ZZEF1: variants seen among roughly 807,000 people sequenced by gnomAD.
The protein encoded by ZZEF1 is zinc finger ZZ-type and EF-hand domain-containing protein 1.
Under a neutral mutation model 342.8 loss-of-function variants are expected in ZZEF1, and 157 were observed. The ratio of observed to expected loss-of-function variants is 0.46; its 90% CI spans 0.40 to 0.52. The LOEUF (loss-of-function observed/expected upper bound fraction) is 0.52. Among genes scored for constraint, ZZEF1 ranks in the 20% least tolerant of loss-of-function variants. The probability of loss-of-function intolerance (pLI) is 0.00; values close to 1 mark genes in which losing one functional copy is unlikely to be tolerated. For synonymous variants in ZZEF1, 1,505 were observed against 1,429.1 expected, an observed-to-expected ratio of 1.05 and a Z score of -1.20; for missense variants, 3,480 against 3,725.6, an observed-to-expected ratio of 0.93 and a Z score of 1.72.
intron 39 of ZZEF1, among the ~76,000 whole-genome samples, chr17:4,039,729 C>T (rs371602275): frequency 0.011 from 1,708 of 149,986 alleles, 32 homozygotes; most frequent in African/African-American, 0.039. Context: ...CTGCAACCTC[C>T]GCCTCCCGGG....
At chr17:4,075,469 C>T (rs1369746962) in intron 21 of ZZEF1, 40 bp from the exon 22 acceptor site, 2 of 1,601,718 alleles carry the variant, frequency 1.2e-6, no homozygotes, top group East Asian at 4.5e-5. Context: ...AAGGTTCTAT[C>T]ACTAGACACC....
intron 3 of ZZEF1, among the ~76,000 whole-genome samples, 181 bp from the exon 4 acceptor site, chr17:4,114,651 CAT>C (rs1247394388): frequency 2.0e-5 from 3 of 152,164 alleles, no homozygotes; most frequent in African/African-American, 4.8e-5. Flanking sequence ...TTTTCACGCA[CAT>C]GTGTCAAATA....
At position 4,056,075 on chromosome 17, in the gene ZZEF1, C is replaced by A. The variant is rs750152092; in HGVS notation, c.5295+141G>T. On this transcript the variant is annotated intron_variant, in intron 33 of 54. Coordinates refer to ENST00000381638, the MANE Select transcript of ZZEF1 (RefSeq NM_015113.4). ...ACAGCCTGCATTCGGTCGCATTCAG[C>A]GGTTGGGGACCCCTTCACTAGGGTA... is the stretch of plus-strand genomic sequence containing the variant. 41 of 836,476 alleles carry A rather than the reference C, an allele frequency of 4.9e-5. No homozygotes were observed. In the East Asian group the frequency reaches 1.3e-3, roughly 26 times the overall value. 51.8% of individuals were successfully genotyped at this position (836,476 alleles called of 1,614,324 possible). A position where few individuals can be genotyped will look rare whatever the true frequency, so the allele number is the denominator to read the frequency against.
At position 4,052,069 on chromosome 17, in the gene ZZEF1, G is replaced by A. The variant is rs927654377; in HGVS notation, c.5502C>T (p.His1834=). The A allele has an allele frequency of 6.2e-7, 1 of 1,614,150 alleles. No individual in the cohort carries two copies. Residue 1834 remains histidine (H), a synonymous_variant, in exon 35 of 55, where the codon CAC becomes CAT. Coordinates refer to ENST00000381638, the MANE Select transcript of ZZEF1 (RefSeq NM_015113.4). ...EMVNMEFTCD[H]CQGLIIGRRM... The stretch of plus-strand genomic sequence containing the variant: ...TCCGGCCTATGATCAAACCCTGGCA[G>A]TGGTCACAGGTAAACTCCATGTTGA...
chr17:4,018,430 T>C (rs557162847), intron 46 of ZZEF1, among the ~76,000 whole-genome samples: 6 of 151,988 alleles, frequency 3.9e-5, no homozygotes, highest in Admixed American at 3.3e-4. Context: ...TTCTCTCCTT[T>C]TTTTTTTAAA....
At position 4,006,808 on chromosome 17, in the gene ZZEF1, G is replaced by C; in HGVS notation, c.*82C>G. 3 of 1,446,898 alleles carry C rather than the reference G, an allele frequency of 2.1e-6. No individual in the cohort carries two copies. The highest frequency in any genetic ancestry group is 2.9e-6 in the Non-Finnish European group (3 of 1,052,280). 89.6% of individuals were successfully genotyped at this position (1,446,898 alleles called of 1,614,324 possible). Reference sequence around the variant, plus strand: ...AGGAGAGCTGGGCACTGGCGCTACAGGAGTTTTCCTGAATGAGGTTAGATG... The same window carrying C: ...AGGAGAGCTGGGCACTGGCGCTACACGAGTTTTCCTGAATGAGGTTAGATG... On this transcript the variant is annotated 3_prime_UTR_variant, in exon 55 of 55. Coordinates refer to ENST00000381638, the MANE Select transcript of ZZEF1 (RefSeq NM_015113.4).
At chr17:4,123,268 C>CACATATAT (rs2058514928) in intron 2 of ZZEF1, among the ~76,000 whole-genome samples, 1 of 85,340 alleles carries the variant, frequency 1.2e-5, no homozygotes, top group Non-Finnish European at 2.4e-5. Flanking sequence ...TTATCATAAC[C>CACATATAT]ATATATATAT....
At chr17:4,053,034 C>T (rs946711860) in intron 34 of ZZEF1, among the ~76,000 whole-genome samples, 5 of 152,212 alleles carry the variant, frequency 3.3e-5, no homozygotes, top group African/African-American at 1.2e-4. Context: ...CGCGCCTGGC[C>T]CACTTCTGTT....
At chr17:4,109,356 T>C (rs113609049) in intron 6 of ZZEF1, among the ~76,000 whole-genome samples, 3,817 of 152,264 alleles carry the variant, frequency 0.025, 147 homozygotes, top group African/African-American at 0.087. Flanking sequence ...ACAGCATAAG[T>C]GACCTCCTCA....
chr17:4,032,197 A>G lies in ZZEF1; in HGVS notation c.6821T>C (p.Ile2274Thr). 6.2e-7 allele frequency: 1 copy of G among 1,614,172 alleles called. No homozygotes were observed. Among genetic ancestry groups the G allele is most frequent in the Non-Finnish European group, 8.5e-7 (1 of 1,180,030 alleles). The change falls in exon 42 of 55, where the codon ATC becomes ACC. Residue 2274 changes from isoleucine to threonine, a missense_variant. Physicochemically the swap from Ile to Thr is moderately conservative, Grantham distance 89. Transcript: ENST00000381638. ...CTTCTCAGTAAAGTGCTTCAAGATG[A>G]TCACATTATGGGGTTCATTGGCATT... ...MDNANEPHNV[I>T]ILKHFTEKNR...
chr17:4,070,539 G>A (rs1253676217), intron 26 of ZZEF1, 145 bp downstream of exon 26: 1 of 1,064,788 alleles, frequency 9.4e-7, no homozygotes, highest in Non-Finnish European at 1.3e-6. Context: ...TCTTTTAATA[G>A]GCAAAGTAGA....
chr17:4,050,255 C>CTGGTTCCTGTA (rs899500971), intron 36 of ZZEF1, among the ~76,000 whole-genome samples: 41 of 152,334 alleles, frequency 2.7e-4, no homozygotes, highest in African/African-American at 9.4e-4. Context: ...TCATACAGGC[C>CTGGTTCCTGTA]TGGTTCCCTA....
At chr17:4,131,982 G>C (rs996709203) in intron 1 of ZZEF1, among the ~76,000 whole-genome samples, 1 of 152,044 alleles carries the variant, frequency 6.6e-6, no homozygotes, top group Non-Finnish European at 1.5e-5. Context: ...AAATAAAATA[G>C]ATAAAGCCTA....
At chr17:4,133,758 A>G (rs904912931) in intron 1 of ZZEF1, among the ~76,000 whole-genome samples, 3 of 151,356 alleles carry the variant, frequency 2.0e-5, no homozygotes, top group African/African-American at 7.3e-5. Flanking sequence ...GTCTTCATCT[A>G]CCACCCAGGC....
chr17:4,137,561 A>G lies in ZZEF1; in HGVS notation c.354+4981T>C, dbSNP rs184179002. Among the ~76,000 whole-genome samples the G allele has an allele frequency of 2.9e-3, 435 of 152,296 alleles. 2 individuals carry two copies. Among genetic ancestry groups the G allele is most frequent in the African/African-American group, 9.7e-3 (404 of 41,556 alleles). On this transcript the variant is annotated intron_variant, in intron 1 of 54. Coordinates refer to ENST00000381638, the MANE Select transcript of ZZEF1 (RefSeq NM_015113.4). ...TGGGAGGCGGAGCTTGCAGTGAGCC[A>G]AGATTGTGCCACTGCACTCCAGCCT...
chr17:4,029,351 T>C (rs1040617210), intron 42 of ZZEF1, among the ~76,000 whole-genome samples: 1 of 149,250 alleles, frequency 6.7e-6, no homozygotes, highest in Non-Finnish European at 1.5e-5. Flanking sequence ...AAACTAAACA[T>C]CAAACTTTTA....
intron 42 of ZZEF1, among the ~76,000 whole-genome samples, chr17:4,026,482 T>C (rs1178608294): frequency 2.0e-5 from 3 of 151,008 alleles, no homozygotes; most frequent in Non-Finnish European, 4.4e-5. Flanking sequence ...TCCCAGAATC[T>C]ACACAAGCCA....
chr17:4,102,261 A>T, intron 9 of ZZEF1, 56 bp downstream of exon 9: 1 of 1,491,940 alleles, frequency 6.7e-7, no homozygotes. Flanking sequence ...GTGTGCTTTC[A>T]CACAGCTGAC....
At chr17:4,019,623 T>TG in intron 46 of ZZEF1, 46 bp downstream of exon 46, 1 of 1,560,620 alleles carries the variant, frequency 6.4e-7, no homozygotes, top group Non-Finnish European at 8.8e-7. Context: ...CGCCCTCACA[T>TG]ATTCTCTCCC....
Sources: gnomAD v4.1 joint callset for allele counts (sites outside exome capture counted in the v4.1 genomes callset) on GRCh38, gnomAD v4.1.1 for gene constraint, MANE v1.5 for transcripts, NCBI Gene and HGNC (gene_info 2026-07-23, HGNC 2026-07-21) for gene names.